PCDHGA1: variants seen among roughly 807,000 people sequenced by gnomAD.
The protein encoded by PCDHGA1 is protocadherin gamma subfamily A, 1, also known as protocadherin gamma-A1.
In PCDHGA1, 32 loss-of-function variants were observed where a neutral mutation model predicts 58.0. The ratio of observed to expected loss-of-function variants is 0.55; its 90% CI spans 0.42 to 0.74. The LOEUF is 0.74. PCDHGA1 is among the 30% of genes least tolerant of loss of function. The probability of loss-of-function intolerance (pLI) is 0.00; values close to 1 mark genes in which losing one functional copy is unlikely to be tolerated. For missense variants in PCDHGA1, 1,205 were observed against 1,182.3 expected (o/e 1.02, Z -0.28); for synonymous variants, 498 against 501.1 (o/e 0.99, Z 0.08).
At chr5:141,465,152 G>C (rs1028596804) in intron 1 of PCDHGA1, among the ~76,000 whole-genome samples, 1 of 151,422 alleles carries the variant, frequency 6.6e-6, no homozygotes, top group African/African-American at 2.4e-5. Flanking sequence ...TATATGAAGG[G>C]ACTCTAAATG....
rs750774158 is a variant in PCDHGA1 at position 141,389,140 on chromosome 5, C to A, written c.2421+56035C>A. 3.1e-6 allele frequency: 5 copies of A among 1,613,878 alleles called. No homozygotes were observed. In the Admixed American group the frequency reaches 8.3e-5, roughly 27 times the overall value. On this transcript the variant is annotated intron_variant, in intron 1 of 3. Coordinates refer to ENST00000517417, the MANE Select transcript of PCDHGA1 (RefSeq NM_018912.3). ...GAGCAGAATCCAGAGTACAATATAA[C>A]CGTTACGGCAACAGATCGGGGCAAG...
At chr5:141,364,800 C>T in intron 1 of PCDHGA1, 1 of 1,613,952 alleles carries the variant, frequency 6.2e-7, no homozygotes, top group Non-Finnish European at 8.5e-7. Context: ...CTTCCCTTCG[C>T]GCGGGATGCG....
At chr5:141,387,576 G>A in intron 1 of PCDHGA1, 2 of 487,618 alleles carry the variant, frequency 4.1e-6, no homozygotes, top group Non-Finnish European at 7.2e-6. Flanking sequence ...TATAATTATT[G>A]CACTGGTTAA....
chr5:141,428,124 C>T, intron 1 of PCDHGA1: 1 of 1,605,400 alleles, frequency 6.2e-7, no homozygotes, highest in South Asian at 1.1e-5. Context: ...CGAGCCCGGG[C>T]TTTTCAGCCT....
intron 1 of PCDHGA1, among the ~76,000 whole-genome samples, chr5:141,481,039 C>T (rs748434260): frequency 4.6e-5 from 7 of 152,048 alleles, no homozygotes; most frequent in Non-Finnish European, 8.8e-5. Flanking sequence ...GCCTGGGCGA[C>T]AGAGCGAGAC....
At chr5:141,407,505 T>TTTTTTTTTTTTTTTTTTTTTTGAGACGG (rs1460306566) in intron 1 of PCDHGA1, among the ~76,000 whole-genome samples, 2 of 152,142 alleles carry the variant, frequency 1.3e-5, no homozygotes, top group African/African-American at 2.4e-5. Context: ...CTGTTTTTCT[T>TTTTTTTTTTTTTTTTTTTTTTGAGACGG]AGGCTATGTA....
At position 141,432,686 on chromosome 5, in the gene PCDHGA1, G is replaced by T. The variant is rs2097528577; in HGVS notation, c.2422-62121G>T. ...CAGAGACGCGCTCAAGCAGAGCCTC[G>T]TAGTGGCCGTCCAGGACCACGGCCA... On this transcript the variant is annotated intron_variant, in intron 1 of 3. Transcript: ENST00000517417. The surrounding 1 kb of genome is among the most constrained non-coding windows in gnomAD (Gnocchi z 6.0). 6.2e-7 allele frequency: 1 copy of T among 1,613,922 alleles called. No individual in the cohort carries two copies. Among genetic ancestry groups the T allele is most frequent in the Non-Finnish European group, 8.5e-7 (1 of 1,179,968 alleles).
At chr5:141,434,883 C>T (rs1490696834) in intron 1 of PCDHGA1, among the ~76,000 whole-genome samples, 1 of 151,644 alleles carries the variant, frequency 6.6e-6, no homozygotes, top group Non-Finnish European at 1.5e-5. Context: ...ATACCAACAA[C>T]AATCCAGTCC....
At position 141,399,889 on chromosome 5, in the gene PCDHGA1, G is replaced by A. The variant is rs2093912508; in HGVS notation, c.2421+66784G>A. 2.5e-6 allele frequency: 4 copies of A among 1,612,576 alleles called. No homozygotes were observed. In the African/African-American group the frequency reaches 5.3e-5, roughly 22 times the overall value. On this transcript the variant is annotated intron_variant, in intron 1 of 3. Coordinates refer to ENST00000517417, the MANE Select transcript of PCDHGA1 (RefSeq NM_018912.3). Reference sequence around the variant, plus strand: ...GCCCGGCTACCTGGTGACCAAGGTAGTGGCCGTGGACGCAGACTCAGGACA... The same window carrying A: ...GCCCGGCTACCTGGTGACCAAGGTAATGGCCGTGGACGCAGACTCAGGACA...
intron 1 of PCDHGA1, among the ~76,000 whole-genome samples, chr5:141,467,017 C>T (rs1036255706): frequency 4.0e-5 from 6 of 151,156 alleles, no homozygotes; most frequent in African/African-American, 1.5e-4. Context: ...AATTTTTTTC[C>T]CTTTGTTTTT....
chr5:141,389,767 G>C, intron 1 of PCDHGA1: 2 of 1,613,028 alleles, frequency 1.2e-6, no homozygotes, highest in Non-Finnish European at 8.5e-7. Context: ...CGCACAGCGC[G>C]TGCCTTAGGC....
At chr5:141,427,484 T>C (rs766997973) in intron 1 of PCDHGA1, 7 of 539,726 alleles carry the variant, frequency 1.3e-5, no homozygotes, top group Non-Finnish European at 2.5e-5. Context: ...ATAATGACTA[T>C]AAGCTTGTAA....
intron 1 of PCDHGA1, among the ~76,000 whole-genome samples, chr5:141,452,761 G>A (rs1291983570): frequency 6.6e-6 from 1 of 152,036 alleles, no homozygotes; most frequent in East Asian, 1.9e-4. Flanking sequence ...AGGAAGGGAG[G>A]GAGGGAAAAC....
At chr5:141,356,700 T>A in intron 1 of PCDHGA1, 1 of 1,614,002 alleles carries the variant, frequency 6.2e-7, no homozygotes, top group Non-Finnish European at 8.5e-7. Flanking sequence ...AGGGTGCACC[T>A]CTGTCCTCCT....
In PCDHGA1 at chr5:141,364,448, G is replaced by C. The variant is rs1458012071; in HGVS notation, c.2421+31343G>C. On this transcript the variant is annotated intron_variant, in intron 1 of 3. Coordinates refer to ENST00000517417, the MANE Select transcript of PCDHGA1 (RefSeq NM_018912.3). ...CCGCTACTCGATGCCGGAGGAGCTGGACAAAGGCTCCTTCGTCGGCAACAT... is the reference window on the plus strand; with the variant it reads ...CCGCTACTCGATGCCGGAGGAGCTGCACAAAGGCTCCTTCGTCGGCAACAT... The C allele has an allele frequency of 3.7e-6, 6 of 1,613,860 alleles. No individual in the cohort carries two copies. The Admixed American group carries it at 8.3e-5, about 22-fold the overall frequency.
At chr5:141,356,451 AT>A in intron 1 of PCDHGA1, 1 of 1,613,212 alleles carries the variant, frequency 6.2e-7, no homozygotes, top group Non-Finnish European at 8.5e-7. Flanking sequence ...AAGTCTCAGA[AT>A]ATAACATCAC....
At chr5:141,395,517 T>G in intron 1 of PCDHGA1, 2 of 415,414 alleles carry the variant, frequency 4.8e-6, no homozygotes, top group Non-Finnish European at 4.3e-6. Context: ...TAGCTACCCG[T>G]CCATACTGGT....
chr5:141,362,661 A>C (rs533318965), intron 1 of PCDHGA1: 2 of 1,346,780 alleles, frequency 1.5e-6, no homozygotes, highest in Admixed American at 2.7e-5. Context: ...GATTTGGCCA[A>C]TGTTGTGCCT....
rs1463716042 is a variant in PCDHGA1 at position 141,511,338 on chromosome 5, T to C, written c.*165T>C. 42 of 1,429,834 alleles carry C rather than the reference T, an allele frequency of 2.9e-5. No homozygotes were observed. The highest frequency in any genetic ancestry group is 3.9e-5 in the Non-Finnish European group (42 of 1,075,502). 88.6% of individuals were successfully genotyped at this position (1,429,834 alleles called of 1,614,324 possible). A position where few individuals can be genotyped will look rare whatever the true frequency, so the allele number is the denominator to read the frequency against. On this transcript the variant is annotated 3_prime_UTR_variant, in exon 4 of 4. Coordinates refer to ENST00000517417, the MANE Select transcript of PCDHGA1 (RefSeq NM_018912.3). ...CAGAAACAAGTGCCCAGTCAGCACC[T>C]ACCCCTTCCCCCCCAGGGGGTTGAA... is the stretch of plus-strand genomic sequence containing the variant.
Sources: gnomAD v4.1 joint callset for allele counts (sites outside exome capture counted in the v4.1 genomes callset) on GRCh38, gnomAD v4.1.1 for gene constraint, Gnocchi (gnomAD v3.1) non-coding constraint, MANE v1.5 for transcripts, NCBI Gene and HGNC (gene_info 2026-07-23, HGNC 2026-07-21) for gene names.